MAST2: variants seen among roughly 807,000 people sequenced by gnomAD.
MAST2 encodes microtubule associated serine/threonine kinase 2, also known as microtubule-associated serine/threonine-protein kinase 2.
A neutral mutation model predicts 147.4 loss-of-function variants in MAST2; 70 were observed. That is an observed-to-expected ratio of 0.47 (90% CI 0.39 to 0.58). The LOEUF is 0.58. Among genes scored for constraint, MAST2 ranks in the 20% least tolerant of loss-of-function variants. The probability of loss-of-function intolerance (pLI) is 0.00; values close to 1 mark genes in which losing one functional copy is unlikely to be tolerated. For synonymous variants in MAST2, 869 were observed against 896.8 expected (o/e 0.97, Z 0.55); for missense variants, 2,080 against 2,302.3 (o/e 0.90, Z 1.98).
intron 4 of MAST2, among the ~76,000 whole-genome samples, chr1:45,948,984 G>A (rs762343654): frequency 1.3e-5 from 2 of 152,072 alleles, no homozygotes; most frequent in African/African-American, 4.8e-5. Flanking sequence ...ATGGGGAAAA[G>A]ACTCCCTATT....
At chr1:45,848,483 C>A (rs889680133) in intron 3 of MAST2, among the ~76,000 whole-genome samples, 23 of 152,206 alleles carry the variant, frequency 1.5e-4, no homozygotes, top group African/African-American at 5.3e-4. Context: ...GACAACATTT[C>A]ATGGATATAG....
At chr1:45,912,291 T>A (rs1456400560) in intron 4 of MAST2, among the ~76,000 whole-genome samples, 2 of 152,132 alleles carry the variant, frequency 1.3e-5, no homozygotes, top group Admixed American at 6.6e-5. Flanking sequence ...ACAAATAAAG[T>A]TTACATTATG....
At chr1:46,003,841 GTT>G (rs1401141617) in intron 7 of MAST2, among the ~76,000 whole-genome samples, 2 of 152,144 alleles carry the variant, frequency 1.3e-5, no homozygotes, top group Non-Finnish European at 2.9e-5. Context: ...TGGAGTAAAT[GTT>G]TTAGTCTTTG....
chr1:46,029,008 G>C, intron 18 of MAST2, 75 bp downstream of exon 18: 1 of 1,452,782 alleles, frequency 6.9e-7, no homozygotes, highest in Non-Finnish European at 9.3e-7. Flanking sequence ...GGCAGCTCGT[G>C]AGGCCTGTGA....
At chr1:45,814,774 C>T (rs924991796) in intron 1 of MAST2, among the ~76,000 whole-genome samples, 8 of 152,122 alleles carry the variant, frequency 5.3e-5, no homozygotes, top group East Asian at 3.8e-4. Context: ...GCGACAAGAG[C>T]GAAACTCTAT....
intron 1 of MAST2, among the ~76,000 whole-genome samples, chr1:45,822,439 T>G (rs1180160273): frequency 6.6e-6 from 1 of 152,162 alleles, no homozygotes; most frequent in African/African-American, 2.4e-5. Context: ...TCTCCTCTGT[T>G]ATCTGGTTTC....
intron 5 of MAST2, among the ~76,000 whole-genome samples, chr1:45,977,732 G>A (rs562875642): frequency 6.6e-6 from 1 of 151,064 alleles, no homozygotes. Flanking sequence ...CCCAGGAGGC[G>A]GAGGTTGCAG....
At chr1:45,935,586 G>T (rs1039092247) in intron 4 of MAST2, among the ~76,000 whole-genome samples, 3 of 152,118 alleles carry the variant, frequency 2.0e-5, no homozygotes, top group Non-Finnish European at 4.4e-5. Context: ...AAAGGAAGGG[G>T]TCTAGTTTCA....
intron 9 of MAST2, among the ~76,000 whole-genome samples, chr1:46,009,114 G>T (rs1031567309): frequency 2.0e-5 from 3 of 152,124 alleles, no homozygotes; most frequent in Non-Finnish European, 2.9e-5. Context: ...GAGTGCAATG[G>T]CACCATCTCG....
At chr1:45,860,763 C>T (rs1443865013) in intron 3 of MAST2, among the ~76,000 whole-genome samples, 9 of 151,656 alleles carry the variant, frequency 5.9e-5, no homozygotes, top group African/African-American at 2.2e-4. Flanking sequence ...ACCTGGGAGG[C>T]AGAGGTTGTA....
rs1403814570 is a variant in MAST2, at chr1:46,008,332, A to T, written c.939A>T (p.Ile313=). The change falls in exon 9 of 29, where the codon ATA becomes ATT. Residue 313 remains isoleucine, a synonymous_variant. Coordinates refer to ENST00000361297, the MANE Select transcript of MAST2 (RefSeq NM_015112.3). The part of the protein sequence containing the change: ...GRSPVSFDSE[I]IMMNHVYKER... ...CCCCAGTATCCTTTGACAGTGAAAT[A>T]ATAATGATGAATCATGTTTACAAAG... 8 of 1,612,834 alleles carry T rather than the reference A, an allele frequency of 5.0e-6. No individual in the cohort carries two copies. Among genetic ancestry groups the T allele is most frequent in the Admixed American group, 1.7e-5 (1 of 60,032 alleles).
In MAST2 at chr1:46,008,310, C is replaced by A; in HGVS notation, c.917C>A (p.Pro306Gln). 2 of 1,611,352 alleles carry A rather than the reference C, an allele frequency of 1.2e-6. No homozygotes were observed. The highest frequency in any genetic ancestry group is 1.7e-6 in the Non-Finnish European group (2 of 1,177,504). Residue 306 changes from proline (P) to glutamine (Q), a missense_variant, in exon 9 of 29, where the codon CCA becomes CAA. By Grantham distance (76) the Pro-to-Gln change is moderately conservative (BLOSUM62 -1). This residue lies in a region of MAST2 where 569 missense variants were observed against 642.5 expected (regional missense o/e 0.89). Coordinates refer to ENST00000361297, the MANE Select transcript of MAST2 (RefSeq NM_015112.3). ...RSRSLSPGRS[P>Q]VSFDSEIIMM... ...TTCTTTTTTAGTCCCGGACGATCCC[C>A]AGTATCCTTTGACAGTGAAATAATA... is the stretch of plus-strand genomic sequence containing the variant.
At position 46,031,287 on chromosome 1, in the gene MAST2, C is replaced by G; in HGVS notation, c.2989C>G (p.Pro997Ala). 6.5e-7 allele frequency: 1 copy of G among 1,539,514 alleles called. No individual in the cohort carries two copies. Among genetic ancestry groups the G allele is most frequent in the Non-Finnish European group, 8.8e-7 (1 of 1,139,204 alleles). ...EAVGRSSGSS[P>A]AMETRGRGTS... is the part of the protein sequence containing the mutation. ...TGTTGGCCGGAGCAGTGGTTCCAGT[C>G]CAGGTATGGCCCAGTGGGCGGCCAA... The change falls in exon 23 of 29, where the codon CCA becomes GCA. Residue 997 changes from proline to alanine, a missense_variant. Pro to Ala is a conservative substitution (Grantham distance 27). Transcript: ENST00000361297. This position sits in a 1 kb window ranked among gnomAD's most constrained non-coding sequence, Gnocchi z 4.1.
chr1:46,002,061 C>T (rs548207660), intron 6 of MAST2, among the ~76,000 whole-genome samples: 22 of 152,214 alleles, frequency 1.4e-4, no homozygotes, highest in African/African-American at 5.1e-4. Context: ...CAAACTAGAT[C>T]CCTGCTTGAT....
At chr1:46,006,849 T>A (rs758959810) in intron 8 of MAST2, among the ~76,000 whole-genome samples, 1 of 152,144 alleles carries the variant, frequency 6.6e-6, no homozygotes, top group Non-Finnish European at 1.5e-5. Context: ...AGGAGAACAA[T>A]GGTATCATCA....
intron 5 of MAST2, among the ~76,000 whole-genome samples, chr1:45,972,300 G>T (rs1557986043): frequency 1.3e-5 from 2 of 152,230 alleles, no homozygotes; most frequent in African/African-American, 4.8e-5. Context: ...TCCATCCTGT[G>T]GTGGGCAGAT....
chr1:45,964,996 C>G (rs962422537), intron 5 of MAST2, among the ~76,000 whole-genome samples: 3 of 152,140 alleles, frequency 2.0e-5, no homozygotes, highest in African/African-American at 7.2e-5. Flanking sequence ...CATTCAGGAG[C>G]AGGTTGTTCA....
At chr1:45,844,058 T>C (rs1645356333) in intron 3 of MAST2, among the ~76,000 whole-genome samples, 1 of 152,212 alleles carries the variant, frequency 6.6e-6, no homozygotes, top group African/African-American at 2.4e-5. Flanking sequence ...ATTTTTTTCT[T>C]ATCTTGAATT....
At chr1:45,829,924 A>G (rs61783199) in intron 3 of MAST2, among the ~76,000 whole-genome samples, 2,689 of 151,020 alleles carry the variant, frequency 0.018, 34 homozygotes, top group Middle Eastern at 0.027. Context: ...CTGGAGTGCA[A>G]TGATGTGATC....
Sources: gnomAD v4.1 joint callset for allele counts (sites outside exome capture counted in the v4.1 genomes callset) on GRCh38, gnomAD v4.1.1 for gene constraint, gnomAD v4.1.1 regional missense constraint, Gnocchi (gnomAD v3.1) non-coding constraint, MANE v1.5 for transcripts, NCBI Gene and HGNC (gene_info 2026-07-23, HGNC 2026-07-21) for gene names.